The following NPAS3 variants were observed in gnomAD, a reference collection of about 807,000 sequenced individuals.
NPAS3 encodes neuronal PAS domain-containing protein 3.
In NPAS3, 14 loss-of-function variants were observed where a neutral mutation model predicts 73.1. The observed-to-expected ratio is 0.19, with a 90% CI of 0.13 to 0.30. NPAS3 has a LOEUF of 0.30. NPAS3 is among the 10% of genes least tolerant of loss of function. The pLI, the probability that NPAS3 is intolerant of heterozygous loss-of-function variation, is 1.00. For synonymous variants in NPAS3, 620 were observed against 541.5 expected (o/e 1.14, Z -2.01); for missense variants, 1,096 against 1,250.0 (o/e 0.88, Z 1.86).
chr14:33,797,618 T>C, intron 11 of NPAS3, 37 bp downstream of exon 11: 1 of 1,609,796 alleles, frequency 6.2e-7, no homozygotes, highest in Non-Finnish European at 8.5e-7. Flanking sequence ...TCAGTGAAGC[T>C]TGCCCACCAC....
intron 1 of NPAS3, among the ~76,000 whole-genome samples, chr14:32,976,665 A>G (rs1438447510): frequency 2.0e-5 from 3 of 152,236 alleles, no homozygotes; most frequent in Non-Finnish European, 4.4e-5. Flanking sequence ...TTAGGTATCA[A>G]CATTAGCCAG....
exon 1 of NPAS3, chr14:32,939,332 C>T: frequency 1.4e-6 from 1 of 732,604 alleles, no homozygotes; most frequent in Middle Eastern, 2.6e-4. Context: ...GCCCACCAAG[C>T]CCAGCTTTCA....
At chr14:33,671,084 T>TTTA (rs2059597881) in intron 5 of NPAS3, among the ~76,000 whole-genome samples, 1 of 152,216 alleles carries the variant, frequency 6.6e-6, no homozygotes, top group Non-Finnish European at 1.5e-5. Context: ...ATGGCCTTTC[T>TTTA]TTATCTAAGC....
chr14:33,343,998 G>A (rs576926409), intron 3 of NPAS3, among the ~76,000 whole-genome samples: 1 of 152,326 alleles, frequency 6.6e-6, no homozygotes, highest in South Asian at 2.1e-4. Flanking sequence ...TTCCCTGAAA[G>A]TTGCACAGGA....
chr14:33,509,080 T>G (rs938270003), intron 4 of NPAS3, among the ~76,000 whole-genome samples: 4 of 151,656 alleles, frequency 2.6e-5, no homozygotes, highest in African/African-American at 7.3e-5. Context: ...TACCTGAGAC[T>G]ATATCCTATA....
At chr14:33,382,386 C>A (rs1186758787) in intron 4 of NPAS3, among the ~76,000 whole-genome samples, 1 of 152,044 alleles carries the variant, frequency 6.6e-6, no homozygotes, top group Non-Finnish European at 1.5e-5. Context: ...CTTTGGAGAT[C>A]CTTCTGGATT....
chr14:33,736,131 A>G (rs1389567413), intron 7 of NPAS3, among the ~76,000 whole-genome samples: 5 of 152,246 alleles, frequency 3.3e-5, no homozygotes, highest in Non-Finnish European at 7.3e-5. Context: ...GGCATGTGCC[A>G]TCAATGTGGC....
intron 5 of NPAS3, among the ~76,000 whole-genome samples, chr14:33,611,319 A>G (rs187344499): frequency 6.6e-5 from 10 of 152,362 alleles, no homozygotes; most frequent in Admixed American, 2.0e-4. Flanking sequence ...TAGGAACACT[A>G]TGAGCCAAAC....
chr14:33,684,951 G>C (rs1285704823), intron 6 of NPAS3, among the ~76,000 whole-genome samples: 1 of 152,176 alleles, frequency 6.6e-6, no homozygotes, highest in Non-Finnish European at 1.5e-5. Context: ...GGTTTCTTGG[G>C]ACCCATGGGA....
chr14:33,111,603 A>G (rs2042894294), intron 2 of NPAS3, among the ~76,000 whole-genome samples: 1 of 151,956 alleles, frequency 6.6e-6, no homozygotes, highest in South Asian at 2.1e-4. Context: ...TTTACTTTGC[A>G]TCATTTAAAA....
At chr14:33,611,765 A>G (rs529293191) in intron 5 of NPAS3, among the ~76,000 whole-genome samples, 2 of 152,330 alleles carry the variant, frequency 1.3e-5, no homozygotes, top group Admixed American at 1.3e-4. Flanking sequence ...GTGTTCAAGT[A>G]AAATTGGCCA....
intron 2 of NPAS3, among the ~76,000 whole-genome samples, chr14:33,171,017 G>A (rs1371816584): frequency 6.6e-6 from 1 of 152,092 alleles, no homozygotes; most frequent in Non-Finnish European, 1.5e-5. Context: ...ACTACCTACG[G>A]CAGTGACAGT....
At chr14:33,268,725 A>C (rs373196892) in intron 3 of NPAS3, among the ~76,000 whole-genome samples, 3 of 152,178 alleles carry the variant, frequency 2.0e-5, no homozygotes, top group African/African-American at 7.2e-5. Context: ...AACTTGGAGA[A>C]GATGTTTCTG....
At chr14:33,494,940 A>C (rs1196820650) in intron 4 of NPAS3, among the ~76,000 whole-genome samples, 1 of 152,018 alleles carries the variant, frequency 6.6e-6, no homozygotes, top group Non-Finnish European at 1.5e-5. Context: ...GCAGAGTCTC[A>C]GTTGGGATTT....
intron 3 of NPAS3, among the ~76,000 whole-genome samples, chr14:33,353,783 C>G (rs1049300370): frequency 1.3e-5 from 2 of 152,168 alleles, no homozygotes; most frequent in Non-Finnish European, 2.9e-5. Flanking sequence ...GCCTGCAGGA[C>G]TAGCAGAATG....
At chr14:33,536,751 T>G (rs1397134311) in intron 4 of NPAS3, among the ~76,000 whole-genome samples, 4 of 152,206 alleles carry the variant, frequency 2.6e-5, no homozygotes, top group African/African-American at 9.6e-5. Context: ...AAAGATAACC[T>G]TTCATAATAA....
At chr14:33,673,500 C>T (rs561702924) in intron 5 of NPAS3, among the ~76,000 whole-genome samples, 44 of 152,224 alleles carry the variant, frequency 2.9e-4, no homozygotes, top group Non-Finnish European at 6.0e-4. Context: ...CACAAAATTA[C>T]ACAATAATAT....
At chr14:33,592,109 A>G (rs2057089357) in intron 5 of NPAS3, among the ~76,000 whole-genome samples, 1 of 152,210 alleles carries the variant, frequency 6.6e-6, no homozygotes, top group African/African-American at 2.4e-5. Flanking sequence ...CACCTTATTC[A>G]CACCCCACCC....
At position 33,773,555 on chromosome 14, in the gene NPAS3, A is replaced by T. The variant is rs369892962; in HGVS notation, c.853-782A>T. ...TATGGCTCTTCTATGTGCAGTTTAT[A>T]TGCAAAGTTTGCTTGGTTCCGGGTG... On this transcript the variant is annotated intron_variant, in intron 7 of 11. Coordinates refer to ENST00000356141, the Ensembl canonical transcript of NPAS3. 8.5e-5 allele frequency among the ~76,000 whole-genome samples: 13 copies of T among 152,306 alleles called. No homozygotes were observed. The East Asian group carries it at 2.1e-3, about 25-fold the overall frequency.
Sources: gnomAD v4.1 joint callset for allele counts (sites outside exome capture counted in the v4.1 genomes callset) on GRCh38, gnomAD v4.1.1 for gene constraint, MANE v1.5 for transcripts, NCBI Gene and HGNC (gene_info 2026-07-23, HGNC 2026-07-21) for gene names.